The following PRKCE variants were observed in gnomAD, a reference collection of about 807,000 sequenced individuals.
The protein encoded by PRKCE is protein kinase C epsilon type.
A neutral mutation model predicts 85.4 loss-of-function variants in PRKCE; 16 were observed. The ratio of observed to expected loss-of-function variants is 0.19; its 90% CI spans 0.13 to 0.28. The LOEUF is 0.28. Among genes scored for constraint, PRKCE ranks in the 10% least tolerant of loss-of-function variants. The probability of loss-of-function intolerance (pLI) is 1.00; values close to 1 mark genes in which losing one functional copy is unlikely to be tolerated. For missense variants in PRKCE, 573 were observed against 975.2 expected (o/e 0.59, Z 5.49); for synonymous variants, 388 against 371.5 (o/e 1.04, Z -0.51).
intron 2 of PRKCE, among the ~76,000 whole-genome samples, chr2:45,941,111 T>G (rs74262737): frequency 0.15 from 21,832 of 142,450 alleles, 2,334 homozygotes; most frequent in East Asian, 0.57. Context: ...TATTCCCTAC[T>G]GAACAAATGA....
At chr2:45,653,385 T>G (rs1675228833) in intron 1 of PRKCE, among the ~76,000 whole-genome samples, 1 of 144,776 alleles carries the variant, frequency 6.9e-6, no homozygotes, top group Non-Finnish European at 1.5e-5. Context: ...TTTTTTTTTT[T>G]TTTTTTTTTT....
In PRKCE at chr2:46,060,265, T is replaced by G. The variant is rs879746842; in HGVS notation, c.1438-25943T>G. On this transcript the variant is annotated intron_variant, in intron 10 of 14. Coordinates refer to ENST00000306156, the MANE Select transcript of PRKCE (RefSeq NM_005400.3). ...CCCCCCAAAGCTGAAGTTAAGCAAATGTATGATTGAGGTAGCAAGTTCATG... is the reference window on the plus strand; with the variant it reads ...CCCCCCAAAGCTGAAGTTAAGCAAAGGTATGATTGAGGTAGCAAGTTCATG... Among the ~76,000 whole-genome samples the G allele has an allele frequency of 1.4e-3, 220 of 152,256 alleles. 2 individuals carry two copies. The highest frequency in any genetic ancestry group is 1.7e-3 in the Non-Finnish European group (115 of 68,008).
chr2:45,848,070 T>A (rs2105527021), intron 2 of PRKCE, among the ~76,000 whole-genome samples: 1 of 152,314 alleles, frequency 6.6e-6, no homozygotes, highest in Non-Finnish European at 1.5e-5. Flanking sequence ...ATAGCAGGCA[T>A]TAGAGCAGTA....
intron 14 of PRKCE, among the ~76,000 whole-genome samples, chr2:46,176,016 A>G (rs538542045): frequency 3.4e-4 from 52 of 152,304 alleles, no homozygotes; most frequent in African/African-American, 1.2e-3. Flanking sequence ...CATCAGGTCT[A>G]GGATGACTCT....
chr2:45,969,433 A>G (rs1333879960), intron 2 of PRKCE, among the ~76,000 whole-genome samples: 1 of 152,218 alleles, frequency 6.6e-6, no homozygotes, highest in Non-Finnish European at 1.5e-5. Flanking sequence ...ATGCTGGCTG[A>G]GCACGGCTGA....
At chr2:45,884,987 A>T (rs1401767835) in intron 2 of PRKCE, among the ~76,000 whole-genome samples, 1,850 of 64,184 alleles carry the variant, frequency 0.029, 126 homozygotes, top group East Asian at 0.26. Context: ...ATATATATAT[A>T]TATATATATA....
intron 1 of PRKCE, among the ~76,000 whole-genome samples, chr2:45,677,335 T>TTTA (rs796825288): frequency 3.9e-4 from 57 of 145,428 alleles, no homozygotes; most frequent in African/African-American, 1.3e-3. Flanking sequence ...TTTTTTGTTT[T>TTTA]TTTTTTTGTT....
intron 1 of PRKCE, among the ~76,000 whole-genome samples, chr2:45,680,175 C>A (rs3795863): frequency 0.34 from 51,666 of 152,052 alleles, 9,970 homozygotes; most frequent in African/African-American, 0.53. Context: ...CAAATAATGA[C>A]ATGATGGTTT....
At chr2:45,799,418 T>C (rs1415085619) in intron 1 of PRKCE, among the ~76,000 whole-genome samples, 2 of 152,124 alleles carry the variant, frequency 1.3e-5, no homozygotes, top group Admixed American at 1.3e-4. Context: ...TCAGGTTTGG[T>C]GGCATGTGCC....
At chr2:45,988,737 A>G (rs905970449) in intron 6 of PRKCE, among the ~76,000 whole-genome samples, 43 of 152,194 alleles carry the variant, frequency 2.8e-4, no homozygotes, top group African/African-American at 1.0e-3. Context: ...GAGCCCCTCA[A>G]CCACTATTAA....
intron 2 of PRKCE, among the ~76,000 whole-genome samples, chr2:45,874,201 A>G (rs1009150516): frequency 6.6e-6 from 1 of 152,192 alleles, no homozygotes; most frequent in East Asian, 1.9e-4. Context: ...CACACACTCA[A>G]TCAGAGGCCT....
intron 2 of PRKCE, among the ~76,000 whole-genome samples, chr2:45,962,665 T>C (rs1202996584): frequency 6.6e-6 from 1 of 152,132 alleles, no homozygotes; most frequent in Non-Finnish European, 1.5e-5. Context: ...AGAAGACAGC[T>C]CCGGGGGAGA....
At position 46,068,672 on chromosome 2, in the gene PRKCE, G is replaced by GGGCTGTCTTCATTTGCAAA. The variant is rs1210122187; in HGVS notation, c.1438-17532_1438-17514dup. 1.3e-5 allele frequency among the ~76,000 whole-genome samples: 2 copies of GGGCTGTCTTCATTTGCAAA among 152,216 alleles called. No individual in the cohort carries two copies. Among genetic ancestry groups the GGGCTGTCTTCATTTGCAAA allele is most frequent in the Non-Finnish European group, 2.9e-5 (2 of 68,030 alleles). ...ATTCAGAAGCAGAAGAATTCTCCAA[G>GGGCTGTCTTCATTTGCAAA]GGCTGTCTTCATTTGCAAAGGCATC... On this transcript the variant is annotated intron_variant, in intron 10 of 14. Coordinates refer to ENST00000306156, the MANE Select transcript of PRKCE (RefSeq NM_005400.3). The surrounding 1 kb of genome is among the most constrained non-coding windows in gnomAD (Gnocchi z 4.3).
chr2:45,670,916 C>T (rs965409686), intron 1 of PRKCE, among the ~76,000 whole-genome samples: 6 of 152,196 alleles, frequency 3.9e-5, no homozygotes, highest in Non-Finnish European at 7.3e-5. Context: ...CTGAAAGCCC[C>T]CATCTCTTGA....
At chr2:45,767,879 C>T (rs1685035131) in intron 1 of PRKCE, among the ~76,000 whole-genome samples, 1 of 152,334 alleles carries the variant, frequency 6.6e-6, no homozygotes, top group Middle Eastern at 3.4e-3. Context: ...AAACTAGAAA[C>T]ACCAAGGGAT....
At chr2:46,028,372 A>G (rs1290936243) in intron 10 of PRKCE, among the ~76,000 whole-genome samples, 1 of 152,240 alleles carries the variant, frequency 6.6e-6, no homozygotes, top group Non-Finnish European at 1.5e-5. Context: ...ACCATGTTTT[A>G]TAACTAAGAA....
At chr2:46,086,475 T>A in intron 11 of PRKCE, 113 bp downstream of exon 11, 1 of 1,288,712 alleles carries the variant, frequency 7.8e-7, no homozygotes, top group African/African-American at 1.5e-5. Flanking sequence ...TGCTTTAGAT[T>A]AGTTGTTTGT....
intron 11 of PRKCE, among the ~76,000 whole-genome samples, chr2:46,124,176 T>A (rs1320080325): frequency 1.3e-5 from 2 of 152,058 alleles, no homozygotes; most frequent in Non-Finnish European, 2.9e-5. Context: ...AATACAAGAA[T>A]TAGCCAGGTG....
At chr2:45,937,779 A>G (rs764358568) in intron 2 of PRKCE, among the ~76,000 whole-genome samples, 1 of 152,164 alleles carries the variant, frequency 6.6e-6, no homozygotes, top group Non-Finnish European at 1.5e-5. Flanking sequence ...AGCTGCCATT[A>G]TCGAACGCCT....
Sources: gnomAD v4.1 joint callset for allele counts (sites outside exome capture counted in the v4.1 genomes callset) on GRCh38, gnomAD v4.1.1 for gene constraint, Gnocchi (gnomAD v3.1) non-coding constraint, MANE v1.5 for transcripts, NCBI Gene and HGNC (gene_info 2026-07-23, HGNC 2026-07-21) for gene names.